Variants in DYNC2I2 observed in about 807,000 individuals in gnomAD.
The protein encoded by DYNC2I2 is dynein 2 intermediate chain 2.
Under a neutral mutation model 52.0 loss-of-function variants are expected in DYNC2I2, and 39 were observed. That is an observed-to-expected ratio of 0.75 (90% CI 0.58 to 0.98). The LOEUF (loss-of-function observed/expected upper bound fraction) is 0.98, where lower values mean the gene tolerates loss of function less well. Ranked by LOEUF, DYNC2I2 falls within the 50% of genes least tolerant of loss-of-function variation. DYNC2I2 has a pLI of 0.00. For missense variants in DYNC2I2, 743 were observed against 728.4 expected (o/e 1.02, Z -0.23); for synonymous variants, 359 against 321.1 (o/e 1.12, Z -1.26).
At chr9:128,657,647 A>T (rs1387432274), upstream of DYNC2I2, among the ~76,000 whole-genome samples, 2 of 152,056 alleles carry the variant, frequency 1.3e-5, no homozygotes, top group African/African-American at 4.8e-5. Flanking sequence ...TACAAAAAAA[A>T]TGTTTTAAAA....
At chr9:128,677,471 T>G in the DYNC2I2 span, among the ~76,000 whole-genome samples, 1 of 149,334 alleles carries the variant, frequency 6.7e-6, no homozygotes, top group African/African-American at 2.5e-5. Context: ...GGTGACAGAG[T>G]GAGACTCCAT....
the DYNC2I2 span, among the ~76,000 whole-genome samples, chr9:128,676,497 A>G: frequency 1.3e-5 from 2 of 151,298 alleles, no homozygotes; most frequent in South Asian, 4.2e-4. Context: ...CCAAACAAAC[A>G]AACAAACAGG....
chr9:128,638,670 G>A (rs1159034569), intron 2 of DYNC2I2, among the ~76,000 whole-genome samples: 1 of 152,234 alleles, frequency 6.6e-6, no homozygotes, highest in Non-Finnish European at 1.5e-5. Flanking sequence ...CAGGAGACCA[G>A]GACCAGCAAC....
the DYNC2I2 span, among the ~76,000 whole-genome samples, chr9:128,671,541 C>T: frequency 2.0e-5 from 3 of 147,680 alleles, no homozygotes; most frequent in Non-Finnish European, 4.4e-5. Context: ...TGGCCGATCT[C>T]GATTCAATGT....
At chr9:128,637,173 C>T in intron 2 of DYNC2I2, 146 bp from the exon 3 acceptor site, 1 of 612,218 alleles carries the variant, frequency 1.6e-6, no homozygotes, top group Non-Finnish European at 2.9e-6. Flanking sequence ...GTGGCACGTT[C>T]ATCCCCACAT....
At chr9:128,681,011 G>A in the DYNC2I2 span, among the ~76,000 whole-genome samples, 1 of 152,022 alleles carries the variant, frequency 6.6e-6, no homozygotes, top group African/African-American at 2.4e-5. Flanking sequence ...ATCACATGGT[G>A]TATACTATTT....
intron 2 of DYNC2I2, among the ~76,000 whole-genome samples, chr9:128,640,457 G>A (rs903257526): frequency 6.6e-6 from 1 of 152,192 alleles, no homozygotes; most frequent in African/African-American, 2.4e-5. Flanking sequence ...TCCATATAGG[G>A]TGTCCATCTC....
rs867345393 is a variant in DYNC2I2, at chr9:128,652,448, A to G, written c.186+4093T>C. 5.5e-3 allele frequency among the ~76,000 whole-genome samples: 784 copies of G among 143,310 alleles called. 26 individuals carry two copies. The highest frequency in any genetic ancestry group is 0.02 in the African/African-American group (700 of 35,448). The allele number at this position is 143,310 out of a possible 152,430, so 94.0% of individuals were successfully genotyped here. On this transcript the variant is annotated intron_variant, in intron 1 of 8. Transcript: ENST00000372715. ...ACTTCATCTCAAAAAAAAAAAAAAA[A>G]AAAGAAAGAAAGAAAGTACCAAGAG...
intron 4 of DYNC2I2, 101 bp downstream of exon 4, chr9:128,636,180 G>T: frequency 6.6e-7 from 1 of 1,517,522 alleles, no homozygotes; most frequent in Non-Finnish European, 8.9e-7. Flanking sequence ...CCGCCTTCCT[G>T]TCTCCGGGCC....
intron 1 of DYNC2I2, among the ~76,000 whole-genome samples, chr9:128,655,042 C>T (rs1860790099): frequency 6.6e-6 from 1 of 152,018 alleles, no homozygotes; most frequent in Admixed American, 6.6e-5. Flanking sequence ...TTGAACCGCT[C>T]CTAGCACACA....
intron 1 of DYNC2I2, among the ~76,000 whole-genome samples, chr9:128,643,301 T>C (rs1589433123): frequency 6.6e-6 from 1 of 151,684 alleles, no homozygotes; most frequent in African/African-American, 2.4e-5. Context: ...CTGAGGCGGG[T>C]TGATCATGAG....
chr9:128,652,988 G>A (rs1437290530), intron 1 of DYNC2I2, among the ~76,000 whole-genome samples: 1 of 150,232 alleles, frequency 6.7e-6, no homozygotes, highest in Non-Finnish European at 1.5e-5. Context: ...AAGCAGTTTG[G>A]GAGGCTGAGG....
intron 1 of DYNC2I2, among the ~76,000 whole-genome samples, chr9:128,645,918 G>A (rs1327950227): frequency 1.3e-5 from 2 of 152,176 alleles, no homozygotes; most frequent in South Asian, 2.1e-4. Flanking sequence ...TAGTGGCTTG[G>A]ATAGAAAATC....
intron 7 of DYNC2I2, 25 bp from the exon 8 acceptor site, chr9:128,634,408 C>T: frequency 6.4e-7 from 1 of 1,556,358 alleles, no homozygotes; most frequent in Non-Finnish European, 8.7e-7. Flanking sequence ...GGGGGCCAGG[C>T]AAGGGAATCA....
chr9:128,635,180 C>T lies in DYNC2I2; in HGVS notation c.893G>A (p.Trp298Ter), dbSNP rs1287882591. Residue 298 changes from tryptophan (W) to a stop codon, truncating the protein, a stop_gained, in exon 6 of 9, where the codon TGG becomes TAG. Coordinates refer to ENST00000372715, the MANE Select transcript of DYNC2I2 (RefSeq NM_052844.4). LOFTEE classifies it high-confidence loss of function. ...CAGCTGGCCTACCCCGATGCCCTGC[C>T]AGAGTAGCACCTTCCCGTCGGTGGC... ...SVATDGKVLL[W>*]QGIGVGQLQL... 6.2e-7 allele frequency: 1 copy of T among 1,613,496 alleles called. No individual in the cohort carries two copies. The highest frequency in any genetic ancestry group is 1.7e-5 in the Admixed American group (1 of 60,020).
chr9:128,656,679 A>T lies in DYNC2I2; in HGVS notation c.48T>A (p.Ala16=). The change falls in exon 1 of 9, where the codon GCT becomes GCA. Residue 16 remains alanine, a synonymous_variant. Transcript: ENST00000372715. Reference sequence around the variant, plus strand: ...CGACTGTCGCCAGCGCCGCAACACCAGCGCTTCCCGCCTGGCTGAGTGGCC... The same window carrying T: ...CGACTGTCGCCAGCGCCGCAACACCTGCGCTTCCCGCCTGGCTGAGTGGCC... ...QPGPLSQAGS[A]GVAALATVGV... 6.7e-7 allele frequency: 1 copy of T among 1,503,562 alleles called. No homozygotes were observed. Among genetic ancestry groups the T allele is most frequent in the East Asian group, 2.7e-5 (1 of 37,124 alleles). 93.1% of individuals were successfully genotyped at this position (1,503,562 alleles called of 1,614,324 possible).
rs913009219 is a variant in DYNC2I2, at chr9:128,642,326, C to G, written c.187-1387G>C. Among the ~76,000 whole-genome samples the G allele has an allele frequency of 4.1e-5, 6 of 146,964 alleles. No individual in the cohort carries two copies. In the East Asian group the frequency reaches 1.2e-3, roughly 29 times the overall value. On this transcript the variant is annotated intron_variant, in intron 1 of 8. Transcript: ENST00000372715. The stretch of plus-strand genomic sequence containing the variant: ...AAAAAATTAGCCGGGTGTGGTGGCG[C>G]GTGCCTGTAATCCTAGCTACTCAGA...
upstream of DYNC2I2, among the ~76,000 whole-genome samples, chr9:128,657,362 C>T (rs887958353): frequency 1.3e-5 from 2 of 152,042 alleles, no homozygotes; most frequent in Non-Finnish European, 2.9e-5. Flanking sequence ...AGGCAAAGAG[C>T]CCAGAACGTC....
chr9:128,651,100 G>A (rs1860707748), intron 1 of DYNC2I2: 1 of 58,822 alleles, frequency 1.7e-5, no homozygotes, highest in African/African-American at 3.4e-5. Context: ...CCTGCTGGGT[G>A]CAGTGGGGAC....
Sources: allele counts gnomAD v4.1 joint callset (sites outside exome capture counted in the v4.1 genomes callset), GRCh38; gene constraint gnomAD v4.1.1; transcripts MANE v1.5; gene names NCBI Gene and HGNC (gene_info 2026-07-23, HGNC 2026-07-21).